EFNA2: variants seen among roughly 807,000 people sequenced by gnomAD.
The protein encoded by EFNA2 is ephrin A2.
A neutral mutation model predicts 19.7 loss-of-function variants in EFNA2; 18 were observed. The observed-to-expected ratio is 0.91, with a 90% CI of 0.63 to 1.35. The LOEUF is 1.35. EFNA2 is among the 40% of genes most tolerant of loss of function. The pLI, the probability that EFNA2 is intolerant of heterozygous loss-of-function variation, is 0.00. For synonymous variants in EFNA2, 187 were observed against 137.8 expected (o/e 1.36, Z -2.50); for missense variants, 303 against 296.0 (o/e 1.02, Z -0.17).
chr19:1,289,847 G>A (rs1242862430), intron 1 of EFNA2, among the ~76,000 whole-genome samples: 1 of 152,228 alleles, frequency 6.6e-6, no homozygotes, highest in African/African-American at 2.4e-5. Context: ...GCGTCCCTCG[G>A]CCTCTCGGGG....
intron 1 of EFNA2, among the ~76,000 whole-genome samples, chr19:1,288,289 ACCTGCCCGGGACCTGTG>A (rs1323503028): frequency 6.6e-6 from 1 of 152,166 alleles, no homozygotes; most frequent in Non-Finnish European, 1.5e-5. Flanking sequence ...GTCCAGGGGC[ACCTGCCCGGGACCTGTG>A]CCTGAGTGGC....
chr19:1,298,582 C>G lies in EFNA2; in HGVS notation c.486C>G (p.Pro162=). Residue 162 remains proline, a synonymous_variant, in exon 3 of 4, where the codon CCC becomes CCG. Transcript: ENST00000215368. ...SATPPNAVDR[P]CLRLKVYVRP... ...CGCCTCCCAATGCTGTGGACCGGCC[C>G]TGCCTGCGACTGAAGGTGTACGTGC... is the stretch of plus-strand genomic sequence containing the variant. 1 of 1,614,084 alleles carries G rather than the reference C, an allele frequency of 6.2e-7. No individual in the cohort carries two copies. Among genetic ancestry groups the G allele is most frequent in the Non-Finnish European group, 8.5e-7 (1 of 1,180,008 alleles).
At position 1,294,642 on chromosome 19, in the gene EFNA2, G is replaced by A. The variant is rs2081505723; in HGVS notation, c.141-903G>A. The stretch of plus-strand genomic sequence containing the variant: ...AGCCCAGGATGTCTCCGAGCTGGGC[G>A]GCAGGTGGAACTCGGCAGGCTGAGA... On this transcript the variant is annotated intron_variant, in intron 1 of 3. Coordinates refer to ENST00000215368, the MANE Select transcript of EFNA2 (RefSeq NM_001405.4). This position sits in a 1 kb window ranked among gnomAD's most constrained non-coding sequence, Gnocchi z 5.8. Among the ~76,000 whole-genome samples, 3 of 151,866 alleles carry A rather than the reference G, an allele frequency of 2.0e-5. No individual in the cohort carries two copies. The highest frequency in any genetic ancestry group is 4.8e-5 in the African/African-American group (2 of 41,292).
At position 1,295,800 on chromosome 19, in the gene EFNA2, CT is replaced by C; in HGVS notation, c.398del (p.Phe133SerfsTer34). 6.2e-7 allele frequency: 1 copy of C among 1,608,408 alleles called. No homozygotes were observed. Among genetic ancestry groups the C allele is most frequent in the East Asian group, 2.2e-5 (1 of 44,608 alleles). On this transcript the variant is annotated frameshift_variant, in exon 2 of 4. Transcript: ENST00000215368. LOFTEE classifies it high-confidence loss of function. The surrounding 1 kb of genome is among the most constrained non-coding windows in gnomAD (Gnocchi z 5.8). ...PLKFSEKFQL[F>X]TPFSLGFEFR... ...TCAAGTTCTCGGAGAAGTTCCAGCTCTTCACGCCCTTCTCCCTGGGCTTCGA... is the reference window on the plus strand; with the variant it reads ...TCAAGTTCTCGGAGAAGTTCCAGCTCTCACGCCCTTCTCCCTGGGCTTCGA...
At position 1,300,142 on chromosome 19, in the gene EFNA2, A is replaced by G. The variant is rs1314283286; in HGVS notation, c.*197A>G. The G allele has an allele frequency of 6.0e-6, 4 of 671,892 alleles. No individual in the cohort carries two copies. The highest frequency in any genetic ancestry group is 4.7e-5 in the South Asian group (2 of 42,470). The allele number at this position is 671,892 out of a possible 1,614,324, so 41.6% of individuals were successfully genotyped here. A position where few individuals can be genotyped will look rare whatever the true frequency, so the allele number is the denominator to read the frequency against. ...AGCCCTCAGGGAGGGGAAACGGCCG[A>G]GAGCCCCCCCCCGGAGGCCCGAGGG... On this transcript the variant is annotated 3_prime_UTR_variant, in exon 4 of 4. Transcript: ENST00000215368.
intron 2 of EFNA2, 70 bp from the exon 3 acceptor site, chr19:1,298,481 G>A: frequency 6.6e-7 from 1 of 1,526,098 alleles, no homozygotes; most frequent in Non-Finnish European, 9.0e-7. Context: ...GTGGGGAAGG[G>A]AGTACAGCCC....
rs2081518105 is a variant in EFNA2, at chr19:1,296,834, T to C, written c.454+976T>C. Among the ~76,000 whole-genome samples the C allele has an allele frequency of 1.3e-5, 2 of 152,152 alleles. No homozygotes were observed. Among genetic ancestry groups the C allele is most frequent in the African/African-American group, 4.8e-5 (2 of 41,434 alleles). On this transcript the variant is annotated intron_variant, in intron 2 of 3. Transcript: ENST00000215368. The surrounding 1 kb of genome is among the most constrained non-coding windows in gnomAD (Gnocchi z 4.4). ...GGTTGGGTGGCGGCAGCCTTGGGGA[T>C]AGTCACATCTGCAGGACCCCATGGT...
chr19:1,286,417 G>C lies in EFNA2; in HGVS notation c.140+109G>C. On this transcript the variant is annotated intron_variant, in intron 1 of 3. Transcript: ENST00000215368. This position sits in a 1 kb window ranked among gnomAD's most constrained non-coding sequence, Gnocchi z 5.6. Reference sequence around the variant, plus strand: ...GGGCGCCCCCCACGCGCGCGCCGCCGCCGGGATGCGGGCGCCCGGTTCCCG... The same window carrying C: ...GGGCGCCCCCCACGCGCGCGCCGCCCCCGGGATGCGGGCGCCCGGTTCCCG... 1 of 371,700 alleles carries C rather than the reference G, an allele frequency of 2.7e-6. No homozygotes were observed. Among genetic ancestry groups the C allele is most frequent in the Non-Finnish European group, 3.7e-6 (1 of 270,792 alleles). 23.0% of individuals were successfully genotyped at this position (371,700 alleles called of 1,614,324 possible). A position where few individuals can be genotyped will look rare whatever the true frequency, so the allele number is the denominator to read the frequency against.
In EFNA2 at chr19:1,297,589, C is replaced by T. The variant is rs899897502; in HGVS notation, c.455-962C>T. Among the ~76,000 whole-genome samples, 276 of 152,164 alleles carry T rather than the reference C, an allele frequency of 1.8e-3. 3 individuals are homozygous for T. Among genetic ancestry groups the T allele is most frequent in the African/African-American group, 6.5e-3 (269 of 41,502 alleles). ...GACAGCAAGACCACATCCATGTGTG[C>T]GTGCACATGGACCCACCCCTGTTCG... On this transcript the variant is annotated intron_variant, in intron 2 of 3. Coordinates refer to ENST00000215368, the MANE Select transcript of EFNA2 (RefSeq NM_001405.4). This position sits in a 1 kb window ranked among gnomAD's most constrained non-coding sequence, Gnocchi z 5.0.
At position 1,297,085 on chromosome 19, in the gene EFNA2, T is replaced by C. The variant is rs2081519268; in HGVS notation, c.454+1227T>C. Among the ~76,000 whole-genome samples, 5 of 152,292 alleles carry C rather than the reference T, an allele frequency of 3.3e-5. No individual in the cohort carries two copies. In the South Asian group the frequency reaches 1.0e-3, roughly 32 times the overall value. On this transcript the variant is annotated intron_variant, in intron 2 of 3. Coordinates refer to ENST00000215368, the MANE Select transcript of EFNA2 (RefSeq NM_001405.4). This position sits in a 1 kb window ranked among gnomAD's most constrained non-coding sequence, Gnocchi z 5.0. ...GATGGGGATGATGGCATCACACTCG[T>C]GGCTTCCGCCGTGGCGCTGAGACTG...
rs1267476264 is a variant in EFNA2, at chr19:1,299,889, G to A, written c.586G>A (p.Gly196Ser). The A allele has an allele frequency of 1.4e-5, 23 of 1,604,450 alleles. No individual in the cohort carries two copies. The highest frequency in any genetic ancestry group is 1.9e-5 in the Non-Finnish European group (22 of 1,178,280). The change falls in exon 4 of 4, where the codon GGC (glycine) becomes AGC (serine). Residue 196 changes from glycine (G) to serine (S), a missense_variant. Physicochemically the swap from Gly to Ser is moderately conservative, Grantham distance 56. Transcript: ENST00000215368. The stretch of plus-strand genomic sequence containing the variant: ...CAATAACTCGTGTAGCAGCCCGGGC[G>A]GCTGCCGCCTCTTCCTCAGCACCAT... Reference protein sequence around the residue: ...TSNNSCSSPGGCRLFLSTIPV... With the variant: ...TSNNSCSSPGSCRLFLSTIPV...
In EFNA2 at chr19:1,287,714, C is replaced by A. The variant is rs112615504; in HGVS notation, c.140+1406C>A. Among the ~76,000 whole-genome samples, 1 of 152,186 alleles carries A rather than the reference C, an allele frequency of 6.6e-6. No homozygotes were observed. Among genetic ancestry groups the A allele is most frequent in the Admixed American group, 6.5e-5 (1 of 15,286 alleles). ...CCTCAGAGCGGGTCCCCGAGCCGCC[C>A]GCTGTGCTGGTCACATGTGGGTTTG... On this transcript the variant is annotated intron_variant, in intron 1 of 3. Transcript: ENST00000215368. This position sits in a 1 kb window ranked among gnomAD's most constrained non-coding sequence, Gnocchi z 6.2.
At chr19:1,292,613 G>A (rs2081496610) in intron 1 of EFNA2, among the ~76,000 whole-genome samples, 3 of 152,248 alleles carry the variant, frequency 2.0e-5, no homozygotes, top group African/African-American at 7.2e-5. Context: ...GGACAGCCGG[G>A]AGGCTGGTGT....
Position 1,296,603 on chromosome 19 carries a change from C to T in EFNA2, c.454+745C>T, listed in dbSNP as rs980047485. On this transcript the variant is annotated intron_variant, in intron 2 of 3. Transcript: ENST00000215368. The surrounding 1 kb of genome is among the most constrained non-coding windows in gnomAD (Gnocchi z 4.4). Reference sequence around the variant, plus strand: ...CTGCTTGGAGTGCATGAGCTCTGGTCGCTCCACTGCACTCCAGCCTGGGTG... The same window carrying T: ...CTGCTTGGAGTGCATGAGCTCTGGTTGCTCCACTGCACTCCAGCCTGGGTG... Among the ~76,000 whole-genome samples the T allele has an allele frequency of 6.6e-6, 1 of 152,072 alleles. No homozygotes were observed. The highest frequency in any genetic ancestry group is 2.4e-5 in the African/African-American group (1 of 41,406).
rs2081467519 is a variant in EFNA2, at chr19:1,286,878, A to G, written c.140+570A>G. 6.6e-6 allele frequency among the ~76,000 whole-genome samples: 1 copy of G among 152,048 alleles called. No homozygotes were observed. On this transcript the variant is annotated intron_variant, in intron 1 of 3. Coordinates refer to ENST00000215368, the MANE Select transcript of EFNA2 (RefSeq NM_001405.4). This position sits in a 1 kb window ranked among gnomAD's most constrained non-coding sequence, Gnocchi z 5.6. ...GCCAAGGGCCCAGCTTTGAAAGGAG[A>G]CTGAGGGGCCGGGGAGCTGGGGGTC...
Position 1,292,174 on chromosome 19 carries a change from C to T in EFNA2, c.141-3371C>T, listed in dbSNP as rs117568893. On this transcript the variant is annotated intron_variant, in intron 1 of 3. Coordinates refer to ENST00000215368, the MANE Select transcript of EFNA2 (RefSeq NM_001405.4). ...GGGGCCCCCTCCCCCCTGCAGGCGC[C>T]ACCCTCAACAGGGGCAACGCGCCCA... 3.3e-4 allele frequency among the ~76,000 whole-genome samples: 51 copies of T among 152,340 alleles called. 1 individual carries two copies. Among genetic ancestry groups the T allele is most frequent in the Middle Eastern group, 6.8e-3 (2 of 294 alleles).
rs57769033 is a variant in EFNA2, at chr19:1,294,338, G to A, written c.141-1207G>A. On this transcript the variant is annotated intron_variant, in intron 1 of 3. Coordinates refer to ENST00000215368, the MANE Select transcript of EFNA2 (RefSeq NM_001405.4). The surrounding 1 kb of genome is among the most constrained non-coding windows in gnomAD (Gnocchi z 5.8). ...AGGCAGTGAGGGAAGGGGAGCCGCC[G>A]GTCCCTTCCTCGGCTGATCTCTATC... Among the ~76,000 whole-genome samples, 3 of 152,288 alleles carry A rather than the reference G, an allele frequency of 2.0e-5. No individual in the cohort carries two copies. Among genetic ancestry groups the A allele is most frequent in the African/African-American group, 4.8e-5 (2 of 41,564 alleles).
intron 1 of EFNA2, among the ~76,000 whole-genome samples, chr19:1,288,340 G>A (rs1600054563): frequency 6.6e-6 from 1 of 152,218 alleles, no homozygotes; most frequent in African/African-American, 2.4e-5. Context: ...ACAGCAGGGG[G>A]TGGTGCTGGG....
chr19:1,286,307 A>G lies in EFNA2; in HGVS notation c.139A>G (p.Arg47Gly). The change falls in exon 1 of 4, where the codon AGG (arginine) becomes GGG (glycine). Residue 47 changes from arginine to glycine, a missense_variant and splice_region_variant. Arg to Gly is a moderately radical substitution (Grantham distance 125, BLOSUM62 -2). Coordinates refer to ENST00000215368, the MANE Select transcript of EFNA2 (RefSeq NM_001405.4). This position sits in a 1 kb window ranked among gnomAD's most constrained non-coding sequence, Gnocchi z 5.6. ...CGTCTACTGGAACCGCAGCAACCCC[A>G]GGTGAGCGCGGCCGCGCGCGGGGGG... ...YAVYWNRSNPRFHAGAGDDGG... is the reference protein window; with the variant it reads ...YAVYWNRSNPGFHAGAGDDGG... The G allele has an allele frequency of 1.0e-6, 1 of 996,606 alleles. No individual in the cohort carries two copies. Among genetic ancestry groups the G allele is most frequent in the South Asian group, 4.0e-5 (1 of 25,122 alleles). 61.7% of individuals were successfully genotyped at this position (996,606 alleles called of 1,614,324 possible).
Sources: gnomAD v4.1 joint callset for allele counts (sites outside exome capture counted in the v4.1 genomes callset) on GRCh38, gnomAD v4.1.1 for gene constraint, Gnocchi (gnomAD v3.1) non-coding constraint, MANE v1.5 for transcripts, NCBI Gene and HGNC (gene_info 2026-07-23, HGNC 2026-07-21) for gene names.